Variants in SLC26A7 observed in about 807,000 individuals in gnomAD.
The protein encoded by SLC26A7 is anion exchange transporter.
Under a neutral mutation model 82.5 loss-of-function variants are expected in SLC26A7, and 59 were observed. The observed-to-expected ratio is 0.72, with a 90% CI of 0.58 to 0.89. The LOEUF is 0.89. Ranked by LOEUF, SLC26A7 falls within the 40% of genes least tolerant of loss-of-function variation. The pLI is 0.00. For synonymous variants in SLC26A7, 271 were observed against 274.3 expected (o/e 0.99, Z 0.12); for missense variants, 820 against 793.0 (o/e 1.03, Z -0.41).
At chr8:91,291,924 T>G (rs1012339166) in intron 3 of SLC26A7, among the ~76,000 whole-genome samples, 1 of 152,234 alleles carries the variant, frequency 6.6e-6, no homozygotes, top group African/African-American at 2.4e-5. Flanking sequence ...GACATTTTAT[T>G]TCTGCATTTG....
chr8:91,315,911 AAATAAGGCAAATATCACTCT>A (rs1170580995), intron 4 of SLC26A7, among the ~76,000 whole-genome samples: 1 of 152,170 alleles, frequency 6.6e-6, no homozygotes, highest in Non-Finnish European at 1.5e-5. Flanking sequence ...CAACTCTACA[AAATAAGGCAAATATCACTCT>A]AATAATTTAT....
chr8:91,366,279 A>G (rs1814188753), intron 13 of SLC26A7, among the ~76,000 whole-genome samples: 1 of 152,178 alleles, frequency 6.6e-6, no homozygotes, highest in South Asian at 2.1e-4. Context: ...AAAGGATAGG[A>G]CTTCCTGGAA....
At chr8:91,232,124 T>A (rs1474578271) in intron 2 of SLC26A7, among the ~76,000 whole-genome samples, 1 of 152,224 alleles carries the variant, frequency 6.6e-6, no homozygotes, top group African/African-American at 2.4e-5. Context: ...TTTTCCTGAA[T>A]GTATTTTTAA....
chr8:91,308,774 A>G (rs529138507), intron 4 of SLC26A7, among the ~76,000 whole-genome samples: 3 of 152,276 alleles, frequency 2.0e-5, no homozygotes. Flanking sequence ...TTATAATCCA[A>G]TACTACTTTA....
chr8:91,377,723 T>A (rs2130890176), intron 15 of SLC26A7, among the ~76,000 whole-genome samples: 1 of 152,248 alleles, frequency 6.6e-6, no homozygotes, highest in East Asian at 1.9e-4. Context: ...AGATTGTCGA[T>A]TGTCACAGGG....
At chr8:91,232,193 G>A (rs1810319072) in intron 2 of SLC26A7, among the ~76,000 whole-genome samples, 1 of 152,146 alleles carries the variant, frequency 6.6e-6, no homozygotes, top group Non-Finnish European at 1.5e-5. Flanking sequence ...TGGAACTCAA[G>A]TCTTTCAATG....
intron 14 of SLC26A7, among the ~76,000 whole-genome samples, chr8:91,367,263 C>T (rs1452034624): frequency 6.6e-6 from 1 of 152,172 alleles, no homozygotes; most frequent in African/African-American, 2.4e-5. Context: ...CCGCCTCGGC[C>T]TTCCAAAGTG....
chr8:91,291,822 C>T (rs944486101), intron 3 of SLC26A7, among the ~76,000 whole-genome samples: 2 of 152,144 alleles, frequency 1.3e-5, no homozygotes, highest in Non-Finnish European at 2.9e-5. Context: ...TAATTTACAG[C>T]CTTAACTGTA....
At chr8:91,293,764 G>T (rs935973160) in intron 3 of SLC26A7, among the ~76,000 whole-genome samples, 8 of 152,150 alleles carry the variant, frequency 5.3e-5, no homozygotes, top group Non-Finnish European at 1.0e-4. Context: ...AATTTGTTCA[G>T]TGGCTTTTGT....
chr8:91,366,520 A>G, intron 13 of SLC26A7, 60 bp from the exon 14 acceptor site: 1 of 1,557,484 alleles, frequency 6.4e-7, no homozygotes, highest in Non-Finnish European at 8.7e-7. Context: ...TTTAGATCTG[A>G]TTGTTTATTG....
At chr8:91,325,410 A>G (rs996763423) in intron 5 of SLC26A7, among the ~76,000 whole-genome samples, 1 of 152,096 alleles carries the variant, frequency 6.6e-6, no homozygotes, top group Non-Finnish European at 1.5e-5. Context: ...AAATATGAAA[A>G]TTCCTCTCCC....
intron 6 of SLC26A7, among the ~76,000 whole-genome samples, chr8:91,334,846 T>C (rs1311359479): frequency 6.6e-6 from 1 of 152,158 alleles, no homozygotes; most frequent in Non-Finnish European, 1.5e-5. Context: ...TATAGAAATA[T>C]TATCAATTGA....
intron 2 of SLC26A7, among the ~76,000 whole-genome samples, chr8:91,264,506 A>G (rs1299087275): frequency 1.3e-5 from 2 of 151,922 alleles, no homozygotes; most frequent in East Asian, 1.9e-4. Context: ...ATGCTACTCA[A>G]TCCACTCCTT....
At chr8:91,258,162 A>G (rs1178076029) in intron 2 of SLC26A7, among the ~76,000 whole-genome samples, 1 of 152,196 alleles carries the variant, frequency 6.6e-6, no homozygotes, top group South Asian at 2.1e-4. Context: ...GAGCCACACT[A>G]TATCACCCAG....
At chr8:91,266,178 C>T (rs28826610) in intron 2 of SLC26A7, among the ~76,000 whole-genome samples, 15,597 of 151,804 alleles carry the variant, frequency 0.1, 918 homozygotes, top group Middle Eastern at 0.2. Flanking sequence ...GTAATGCCTC[C>T]AGCTTTGTTC....
chr8:91,254,393 C>T (rs1157365704), intron 2 of SLC26A7, among the ~76,000 whole-genome samples: 1 of 152,260 alleles, frequency 6.6e-6, no homozygotes, highest in South Asian at 2.1e-4. Flanking sequence ...TGCCAAGACA[C>T]TTTCTAACAT....
At chr8:91,246,768 CAG>C (rs1420655386), upstream of SLC26A7, among the ~76,000 whole-genome samples, 2 of 151,438 alleles carry the variant, frequency 1.3e-5, no homozygotes, top group East Asian at 1.9e-4. Context: ...CCTGCTACAA[CAG>C]AGAGTCTCAG....
intron 12 of SLC26A7, 54 bp downstream of exon 12, chr8:91,362,513 G>T: frequency 7.4e-7 from 1 of 1,355,428 alleles, no homozygotes; most frequent in Non-Finnish European, 1.1e-6. Context: ...AAAATACATG[G>T]TTACTTGCCA....
intron 11 of SLC26A7, among the ~76,000 whole-genome samples, chr8:91,358,406 G>A (rs2130864578): frequency 6.8e-6 from 1 of 147,296 alleles, no homozygotes; most frequent in African/African-American, 2.5e-5. Flanking sequence ...TTGGCTCACT[G>A]CAAGCTCCAC....
Sources: gnomAD v4.1 joint callset for allele counts (sites outside exome capture counted in the v4.1 genomes callset) on GRCh38, gnomAD v4.1.1 for gene constraint, MANE v1.5 for transcripts, NCBI Gene and HGNC (gene_info 2026-07-23, HGNC 2026-07-21) for gene names.